KCNH6: variants seen among roughly 807,000 people sequenced by gnomAD.
KCNH6 encodes potassium voltage-gated channel subfamily H member 6.
In KCNH6, 81 loss-of-function variants were observed where a neutral mutation model predicts 83.4. The ratio of observed to expected loss-of-function variants is 0.97; its 90% CI spans 0.81 to 1.17. The LOEUF is 1.17. Among genes scored for constraint, KCNH6 ranks in the 50% most tolerant of loss-of-function variants. The pLI is 0.00. For synonymous variants in KCNH6, 503 were observed against 545.6 expected (o/e 0.92, Z 1.09); for missense variants, 1,203 against 1,290.5 (o/e 0.93, Z 1.04).
chr17:63,530,284 A>G, intron 3 of KCNH6, 32 bp downstream of exon 3: 1 of 1,613,724 alleles, frequency 6.2e-7, no homozygotes, highest in Non-Finnish European at 8.5e-7. Flanking sequence ...GGTGGGAGGG[A>G]CGCATGAGGG....
In KCNH6 at chr17:63,538,130, G is replaced by A. The variant is rs1035856181; in HGVS notation, c.1567G>A (p.Ala523Thr). 1.9e-6 allele frequency: 3 copies of A among 1,614,112 alleles called. No individual in the cohort carries two copies. Among genetic ancestry groups the A allele is most frequent in the African/African-American group, 2.7e-5 (2 of 75,048 alleles). Residue 523 changes from alanine (A) to threonine (T), a missense_variant, in exon 7 of 13, where the codon GCG becomes ACG. Ala to Thr is a moderately conservative substitution (Grantham distance 58, BLOSUM62 0). Coordinates refer to ENST00000314672, the MANE Select transcript of KCNH6 (RefSeq NM_001278919.2). This position sits in a 1 kb window ranked among gnomAD's most constrained non-coding sequence, Gnocchi z 4.0. ...AIIQRLYSGT[A>T]RYHTQMLRVK... is the part of the protein sequence containing the mutation. ...CATCCAGCGCCTGTACTCGGGCACC[G>A]CGCGCTACCACACGCAGATGCTGCG... is the stretch of plus-strand genomic sequence containing the variant.
chr17:63,539,892 C>T (rs2032759448), intron 8 of KCNH6, among the ~76,000 whole-genome samples: 1 of 152,218 alleles, frequency 6.6e-6, no homozygotes, highest in African/African-American at 2.4e-5. Context: ...CTCCACAGTT[C>T]CCCATGGTCC....
intron 8 of KCNH6, among the ~76,000 whole-genome samples, chr17:63,539,628 G>A (rs1171479989): frequency 2.0e-5 from 3 of 152,086 alleles, no homozygotes; most frequent in African/African-American, 7.2e-5. Context: ...TATTGCCCAC[G>A]CCACAGTCTG....
At chr17:63,548,538 T>G (rs992294526), downstream of KCNH6, among the ~76,000 whole-genome samples, 2 of 152,236 alleles carry the variant, frequency 1.3e-5, no homozygotes, top group Admixed American at 6.5e-5. Flanking sequence ...AAATTAATTT[T>G]TGTAACCTTA....
intron 9 of KCNH6, 152 bp downstream of exon 9, chr17:63,542,586 C>T: frequency 1.5e-6 from 1 of 675,402 alleles, no homozygotes; most frequent in Admixed American, 2.6e-5. Flanking sequence ...TGGCGTCATG[C>T]TAAGTATGAG....
chr17:63,541,436 C>T (rs1464648864), intron 8 of KCNH6, among the ~76,000 whole-genome samples: 3 of 148,468 alleles, frequency 2.0e-5, no homozygotes, highest in Non-Finnish European at 4.4e-5. Flanking sequence ...TTACAGGCCA[C>T]CATGCCCTGC....
rs137873935 is a variant in KCNH6, at chr17:63,542,389, G to T, written c.2103G>T (p.Ala701=). The T allele has an allele frequency of 6.2e-7, 1 of 1,614,040 alleles. No homozygotes were observed. Among genetic ancestry groups the T allele is most frequent in the Non-Finnish European group, 8.5e-7 (1 of 1,180,044 alleles). ...TGCTGGACATGTACCCGGCCTTTGC[G>T]GAGAGCTTCTGGAGTAAGCTGGAGG... ...LEVLDMYPAF[A]ESFWSKLEVT... is the part of the protein sequence containing the mutation. Residue 701 remains alanine (A), a synonymous_variant, in exon 9 of 13, where the codon GCG becomes GCT. Transcript: ENST00000314672.
Position 63,534,044 on chromosome 17 carries a change from C to T in KCNH6, c.834C>T (p.Ala278=), listed in dbSNP as rs35995591. The T allele has an allele frequency of 1.3e-5, 21 of 1,614,178 alleles. No homozygotes were observed. The South Asian group carries it at 1.8e-4, about 14-fold the overall frequency. The change falls in exon 5 of 13, where the codon GCC becomes GCT. Residue 278 remains alanine (A), a synonymous_variant. Transcript: ENST00000314672. This position sits in a 1 kb window ranked among gnomAD's most constrained non-coding sequence, Gnocchi z 5.0. ...IYTAVFTPYS[A]AFLLSDQDES... ...CGGCTGTCTTCACGCCCTACTCAGC[C>T]GCCTTCCTGCTCAGCGATCAGGACG...
chr17:63,545,286 A>G (rs1057335993), intron 12 of KCNH6, 22 bp downstream of exon 12: 1 of 1,610,612 alleles, frequency 6.2e-7, no homozygotes, highest in Non-Finnish European at 8.5e-7. Context: ...GGGGATTCCC[A>G]GGGGCTTACC....
In KCNH6 at chr17:63,530,379, G is replaced by T; in HGVS notation, c.512G>T (p.Gly171Val). The T allele has an allele frequency of 6.2e-7, 1 of 1,614,200 alleles. No individual in the cohort carries two copies. The highest frequency in any genetic ancestry group is 8.5e-7 in the Non-Finnish European group (1 of 1,180,022). Residue 171 changes from glycine (G) to valine (V), a missense_variant, in exon 4 of 13, where the codon GGC becomes GTC. Transcript: ENST00000314672. ...CCAGGCGGACCAGGGCCAGGCACAG[G>T]CAGGGGCAAGTACAGGACCATCAGC... Reference protein sequence around the residue: ...GRPGGPGPGTGRGKYRTISQI... With the variant: ...GRPGGPGPGTVRGKYRTISQI...
chr17:63,524,468 A>T, intron 2 of KCNH6, 99 bp downstream of exon 2: 1 of 978,116 alleles, frequency 1.0e-6, no homozygotes. Flanking sequence ...CAGGGTCCAA[A>T]GGGCCTGAAC....
chr17:63,538,073 T>G lies in KCNH6; in HGVS notation c.1510T>G (p.Tyr504Asp). 1 of 1,613,422 alleles carries G rather than the reference T, an allele frequency of 6.2e-7. No homozygotes were observed. The highest frequency in any genetic ancestry group is 2.2e-5 in the East Asian group (1 of 44,844). Residue 504 changes from tyrosine (Y) to aspartate (D), a missense_variant, in exon 7 of 13, where the codon TAC (tyrosine) becomes GAC (aspartate). Coordinates refer to ENST00000314672, the MANE Select transcript of KCNH6 (RefSeq NM_001278919.2). This position sits in a 1 kb window ranked among gnomAD's most constrained non-coding sequence, Gnocchi z 4.0. Reference protein sequence around the residue: ...ICVMLIGSLMYASIFGNVSAI... With the variant: ...ICVMLIGSLMDASIFGNVSAI... ...CTCCGCCCCGCCCCCAGCCCTGATG[T>G]ACGCCAGCATCTTCGGGAACGTGTC...
intron 4 of KCNH6, among the ~76,000 whole-genome samples, chr17:63,532,952 A>G (rs1007320762): frequency 6.6e-6 from 1 of 152,142 alleles, no homozygotes; most frequent in African/African-American, 2.4e-5. Context: ...CTCACTACCC[A>G]TGGCTTTTGT....
chr17:63,540,228 T>A (rs1383229253), intron 8 of KCNH6, among the ~76,000 whole-genome samples: 2 of 151,964 alleles, frequency 1.3e-5, no homozygotes, highest in Non-Finnish European at 2.9e-5. Context: ...GGTCAGGAGT[T>A]CAAGACCAAC....
chr17:63,527,599 G>A (rs961041318), intron 2 of KCNH6, among the ~76,000 whole-genome samples: 3 of 152,154 alleles, frequency 2.0e-5, no homozygotes, highest in Admixed American at 6.5e-5. Flanking sequence ...GGTCAGAAAG[G>A]TGGGTGCTGG....
At chr17:63,536,190 C>T in intron 6 of KCNH6, 122 bp downstream of exon 6, 1 of 879,956 alleles carries the variant, frequency 1.1e-6, no homozygotes, top group Non-Finnish European at 1.8e-6. Flanking sequence ...GTACACTGAT[C>T]CTAAGTGTGC....
At position 63,535,300 on chromosome 17, in the gene KCNH6, G is replaced by A. The variant is rs1035202054; in HGVS notation, c.1102-369G>A. Among the ~76,000 whole-genome samples, 3 of 152,106 alleles carry A rather than the reference G, an allele frequency of 2.0e-5. No homozygotes were observed. Among genetic ancestry groups the A allele is most frequent in the African/African-American group, 4.8e-5 (2 of 41,406 alleles). On this transcript the variant is annotated intron_variant, in intron 5 of 12. Transcript: ENST00000314672. The surrounding 1 kb of genome is among the most constrained non-coding windows in gnomAD (Gnocchi z 4.9). ...GCCACGCACTTCACACCTCAGTGCCGCTGCTCATGCTGCTCCCTGAGCCAG... is the reference window on the plus strand; with the variant it reads ...GCCACGCACTTCACACCTCAGTGCCACTGCTCATGCTGCTCCCTGAGCCAG...
Position 63,544,249 on chromosome 17 carries a change from A to T in KCNH6, c.2234A>T (p.Asp745Val), listed in dbSNP as rs777996289. ...QGFFLSDNQS[D>V]AAPPLSISDA... ...TGAGACTTCCCTTTCCCTCCTGCAG[A>T]TGCAGCCCCTCCCCTGAGCATCTCA... Residue 745 changes from aspartate (D) to valine (V), a missense_variant and splice_region_variant, in exon 11 of 13, where the codon GAT (aspartate) becomes GTT (valine). Asp to Val is a radical substitution (Grantham distance 152). Coordinates refer to ENST00000314672, the MANE Select transcript of KCNH6 (RefSeq NM_001278919.2). The T allele has an allele frequency of 6.3e-7, 1 of 1,581,108 alleles. No individual in the cohort carries two copies. The highest frequency in any genetic ancestry group is 8.6e-7 in the Non-Finnish European group (1 of 1,160,772).
Position 63,545,192 on chromosome 17 carries a change from CT to C in KCNH6, c.2513del (p.Leu838TrpfsTer4). 3 of 1,613,842 alleles carry C rather than the reference CT, an allele frequency of 1.9e-6. No individual in the cohort carries two copies. Among genetic ancestry groups the C allele is most frequent in the Non-Finnish European group, 2.5e-6 (3 of 1,180,028 alleles). On this transcript the variant is annotated frameshift_variant, in exon 12 of 13. Transcript: ENST00000314672. LOFTEE classifies it high-confidence loss of function. ...LEAPASNDLA[L>X]VPIASETTSP... ...AAGCCCCTGCCTCCAATGACCTGGC[CT>C]TGGTTCCTATAGCCTCGGAGACGAC...
Sources: allele counts gnomAD v4.1 joint callset (sites outside exome capture counted in the v4.1 genomes callset), GRCh38; gene constraint gnomAD v4.1.1; non-coding constraint Gnocchi (gnomAD v3.1); transcripts MANE v1.5; gene names NCBI Gene and HGNC (gene_info 2026-07-23, HGNC 2026-07-21).